Variants in PCDHA2 observed in about 807,000 individuals in gnomAD.
PCDHA2 encodes the protein protocadherin alpha-2.
PCDHA2 carries 58 observed loss-of-function variants against 66.0 expected under a neutral mutation model. The ratio of observed to expected loss-of-function variants is 0.88; its 90% CI spans 0.71 to 1.09. PCDHA2 has a LOEUF of 1.09. PCDHA2 is among the 50% of genes least tolerant of loss of function. The pLI, the probability that PCDHA2 is intolerant of heterozygous loss-of-function variation, is 0.00. For missense variants in PCDHA2, 1,267 were observed against 1,242.3 expected (o/e 1.02, Z -0.30); for synonymous variants, 634 against 554.0 (o/e 1.14, Z -2.03).
intron 1 of PCDHA2, chr5:140,822,232 C>T (rs1408696060): frequency 1.2e-6 from 2 of 1,614,214 alleles, no homozygotes; most frequent in Admixed American, 3.3e-5. Flanking sequence ...GCGGTTTCCG[C>T]TAGAGGGCGC....
chr5:140,846,341 G>GCTTTCTCT lies in PCDHA2; in HGVS notation c.2388+48990_2388+48997dup, dbSNP rs1176165668. On this transcript the variant is annotated intron_variant, in intron 1 of 3. Coordinates refer to ENST00000526136, the MANE Select transcript of PCDHA2 (RefSeq NM_018905.3). ...AGTGTTGTAAATAGCCTTTTAAAGTGCTTTCTCTTTTTTCTTTTCTTTTCT... is the reference window on the plus strand; with the variant it reads ...AGTGTTGTAAATAGCCTTTTAAAGTGCTTTCTCTCTTTCTCTTTTTTCTTTTCTTTTCT... Among the ~76,000 whole-genome samples, 20 of 144,650 alleles carry GCTTTCTCT rather than the reference G, an allele frequency of 1.4e-4. 2 individuals carry two copies. Among genetic ancestry groups the GCTTTCTCT allele is most frequent in the Non-Finnish European group, 1.5e-5 (1 of 64,996 alleles). 94.9% of individuals were successfully genotyped at this position (144,650 alleles called of 152,430 possible). A position where few individuals can be genotyped will look rare whatever the true frequency, so the allele number is the denominator to read the frequency against.
intron 3 of PCDHA2, among the ~76,000 whole-genome samples, chr5:140,988,083 G>A (rs957131929): frequency 1.3e-5 from 2 of 152,292 alleles, no homozygotes; most frequent in Middle Eastern, 3.4e-3. Context: ...TCATGAGTGA[G>A]TGCAGCCTCG....
intron 1 of PCDHA2, chr5:140,848,130 C>T (rs1423427149): frequency 5.3e-6 from 1 of 190,174 alleles, no homozygotes. Flanking sequence ...CAAGGTCATA[C>T]AAAACTTTTA....
intron 1 of PCDHA2, chr5:140,804,356 T>A (rs1763382158): frequency 6.6e-6 from 1 of 152,066 alleles, no homozygotes; most frequent in Non-Finnish European, 1.5e-5. Context: ...TTAAAATTTA[T>A]TACTAATAAC....
rs528503686 is a variant in PCDHA2, at chr5:140,807,480, G to A, written c.2388+10128G>A. 18 of 1,613,360 alleles carry A rather than the reference G, an allele frequency of 1.1e-5. No homozygotes were observed. Among genetic ancestry groups the A allele is most frequent in the East Asian group, 2.2e-5 (1 of 44,844 alleles). On this transcript the variant is annotated intron_variant, in intron 1 of 3. Coordinates refer to ENST00000526136, the MANE Select transcript of PCDHA2 (RefSeq NM_018905.3). Reference sequence around the variant, plus strand: ...ATCGACCGGGAGGAGCTGTGCCGGCGGAGCGCGGAGTGCAGCATCCACCTG... The same window carrying A: ...ATCGACCGGGAGGAGCTGTGCCGGCAGAGCGCGGAGTGCAGCATCCACCTG...
At chr5:140,927,964 G>A in intron 1 of PCDHA2, 1 of 1,614,230 alleles carries the variant, frequency 6.2e-7, no homozygotes, top group South Asian at 1.1e-5. Context: ...CCCTGGCACA[G>A]TGATTGCTCT....
intron 1 of PCDHA2, chr5:140,871,620 T>C: frequency 7.1e-7 from 1 of 1,405,980 alleles, no homozygotes; most frequent in Non-Finnish European, 9.4e-7. Context: ...TTGTTTTAGA[T>C]AACAATGTCT....
At chr5:140,969,592 A>G (rs547411191) in intron 1 of PCDHA2, 72 of 829,536 alleles carry the variant, frequency 8.7e-5, no homozygotes, top group Middle Eastern at 3.7e-4. Context: ...TAGTCTTAAT[A>G]TTTAATGCTA....
chr5:140,797,461 TCCTA>T (rs1554120447), intron 1 of PCDHA2, 109 bp downstream of exon 1: 2 of 1,272,268 alleles, frequency 1.6e-6, no homozygotes, highest in Non-Finnish European at 1.1e-6. Context: ...TTTTATATCA[TCCTA>T]CCGTGCGATT....
intron 1 of PCDHA2, chr5:140,863,203 G>C: frequency 1.1e-6 from 1 of 948,504 alleles, no homozygotes; most frequent in Non-Finnish European, 1.6e-6. Flanking sequence ...GTCGCTGGCG[G>C]AGAGCAGCCA....
In PCDHA2 at chr5:140,855,864, G is replaced by T. The variant is rs2043653105; in HGVS notation, c.2388+58512G>T. On this transcript the variant is annotated intron_variant, in intron 1 of 3. Transcript: ENST00000526136. ...CCTAAAGCCACCGGATGTCGCTGTC[G>T]TCCACAAAATAGCTTTTTAGAACAA... 4 of 775,774 alleles carry T rather than the reference G, an allele frequency of 5.2e-6. No individual in the cohort carries two copies. The East Asian group carries it at 8.1e-5, about 16-fold the overall frequency. The allele number at this position is 775,774 out of a possible 1,614,324, so 48.1% of individuals were successfully genotyped here. A position where few individuals can be genotyped will look rare whatever the true frequency, so the allele number is the denominator to read the frequency against.
At position 140,843,448 on chromosome 5, in the gene PCDHA2, C is replaced by A. The variant is rs2150360253; in HGVS notation, c.2388+46096C>A. 12 of 1,595,998 alleles carry A rather than the reference C, an allele frequency of 7.5e-6. 1 individual carries two copies. The highest frequency in any genetic ancestry group is 1.3e-5 in the African/African-American group (1 of 74,422). ...TCATCGCCATCTGCGCGGTATCCAGCCTGCTGGTGCTCACGCTGCTGCTGT... is the reference window on the plus strand; with the variant it reads ...TCATCGCCATCTGCGCGGTATCCAGACTGCTGGTGCTCACGCTGCTGCTGT... On this transcript the variant is annotated intron_variant, in intron 1 of 3. Transcript: ENST00000526136.
intron 1 of PCDHA2, chr5:140,851,257 T>A: frequency 9.2e-7 from 1 of 1,087,842 alleles, no homozygotes; most frequent in East Asian, 4.1e-5. Context: ...GCATAGTATT[T>A]TAGTCTACTT....
chr5:140,887,326 G>A (rs1344500973), intron 1 of PCDHA2, among the ~76,000 whole-genome samples: 7 of 152,230 alleles, frequency 4.6e-5, no homozygotes, highest in South Asian at 2.1e-4. Context: ...TCGAACTCCT[G>A]ACCTCGTGAT....
rs2150483646 is a variant in PCDHA2 at position 140,850,423 on chromosome 5, C to G, written c.2388+53071C>G. ...CGTGCCCTGGACGAAACGGACGCAC[C>G]GCGCCAGCGCCTACTGGTGCTGGTG... is the stretch of plus-strand genomic sequence containing the variant. On this transcript the variant is annotated intron_variant, in intron 1 of 3. Transcript: ENST00000526136. 10 of 1,597,882 alleles carry G rather than the reference C, an allele frequency of 6.3e-6. 2 individuals are homozygous for G. Among genetic ancestry groups the G allele is most frequent in the Non-Finnish European group, 7.7e-6 (9 of 1,167,708 alleles).
chr5:140,901,148 CA>C (rs1244292469), intron 1 of PCDHA2, among the ~76,000 whole-genome samples: 17 of 152,076 alleles, frequency 1.1e-4, no homozygotes, highest in Non-Finnish European at 2.4e-4. Context: ...TATTTTCTCT[CA>C]ATCTGTGGGT....
At chr5:140,855,899 C>A in intron 1 of PCDHA2, 1 of 1,074,020 alleles carries the variant, frequency 9.3e-7, no homozygotes, top group Non-Finnish European at 1.3e-6. Flanking sequence ...AAGGCATCAG[C>A]CAGTTTCTCA....
Position 140,823,723 on chromosome 5 carries a change from G to A in PCDHA2, c.2388+26371G>A, listed in dbSNP as rs140011920. 3 of 1,613,814 alleles carry A rather than the reference G, an allele frequency of 1.9e-6. No individual in the cohort carries two copies. In the African/African-American group the frequency reaches 4.0e-5, roughly 22 times the overall value. ...ACCGCGCCACCGCCTTCTGGTGCTG[G>A]TGAAGGACCATGGAGAGCCCCCGCT... On this transcript the variant is annotated intron_variant, in intron 1 of 3. Coordinates refer to ENST00000526136, the MANE Select transcript of PCDHA2 (RefSeq NM_018905.3).
At chr5:140,869,628 T>TGAGTATTTTTCTTTA in intron 1 of PCDHA2, 1 of 1,613,700 alleles carries the variant, frequency 6.2e-7, no homozygotes, top group Non-Finnish European at 8.5e-7. Flanking sequence ...TAAGTAAAAA[T>TGAGTATTTTTCTTTA]GAGTATTTTT....
Sources: allele counts gnomAD v4.1 joint callset (sites outside exome capture counted in the v4.1 genomes callset), GRCh38; gene constraint gnomAD v4.1.1; transcripts MANE v1.5; gene names NCBI Gene and HGNC (gene_info 2026-07-23, HGNC 2026-07-21).